Variants in ADAMTSL1 observed in about 807,000 individuals in gnomAD.
ADAMTSL1 encodes the protein ADAMTS like 1, also known as ADAMTS-like protein 1.
ADAMTSL1 carries 126 observed loss-of-function variants against 201.8 expected under a neutral mutation model. That is an observed-to-expected ratio of 0.62 (90% CI 0.54 to 0.72). The LOEUF is 0.72. Among genes scored for constraint, ADAMTSL1 ranks in the 30% least tolerant of loss-of-function variants. The pLI, the probability that ADAMTSL1 is intolerant of heterozygous loss-of-function variation, is 0.00. For missense variants in ADAMTSL1, 2,679 were observed against 2,277.8 expected (o/e 1.18, Z -3.59); for synonymous variants, 1,121 against 903.4 (o/e 1.24, Z -4.32).
intron 1 of ADAMTSL1, among the ~76,000 whole-genome samples, chr9:18,039,452 A>G (rs1821344321): frequency 6.6e-6 from 1 of 152,270 alleles, no homozygotes; most frequent in African/African-American, 2.4e-5. Context: ...GTGTCTTTCA[A>G]TAATTTTGGT....
chr9:18,252,488 C>T (rs977591983), intron 2 of ADAMTSL1, among the ~76,000 whole-genome samples: 1 of 152,132 alleles, frequency 6.6e-6, no homozygotes, highest in Non-Finnish European at 1.5e-5. Context: ...ACATATCCCC[C>T]TGTATACTTT....
At chr9:18,655,776 C>A (rs10963713) in intron 7 of ADAMTSL1, among the ~76,000 whole-genome samples, 1 of 134,154 alleles carries the variant, frequency 7.5e-6, no homozygotes, top group Non-Finnish European at 1.5e-5. Flanking sequence ...TAACCACACA[C>A]CCCAAGAGAG....
At chr9:18,316,631 T>C (rs931387111) in intron 2 of ADAMTSL1, among the ~76,000 whole-genome samples, 3 of 152,202 alleles carry the variant, frequency 2.0e-5, no homozygotes, top group Non-Finnish European at 4.4e-5. Context: ...CTGTTCTTTT[T>C]TTCAAGGTGC....
At chr9:18,845,964 A>T (rs1826078260) in intron 23 of ADAMTSL1, among the ~76,000 whole-genome samples, 1 of 152,228 alleles carries the variant, frequency 6.6e-6, no homozygotes, top group South Asian at 2.1e-4. Flanking sequence ...ATTCATGATA[A>T]AGGGCCTAGG....
chr9:18,445,230 A>G (rs17205346), intron 2 of ADAMTSL1, among the ~76,000 whole-genome samples: 11,801 of 152,234 alleles, frequency 0.078, 629 homozygotes, highest in Non-Finnish European at 0.12. Context: ...CGCTAAAAGT[A>G]CAGCCTTTGA....
chr9:18,314,627 G>A (rs1484419880), intron 2 of ADAMTSL1, among the ~76,000 whole-genome samples: 2 of 151,840 alleles, frequency 1.3e-5, no homozygotes, highest in African/African-American at 2.4e-5. Context: ...CATGAGTGAA[G>A]CTGCAGACCT....
chr9:18,259,259 A>G (rs1429510083), intron 2 of ADAMTSL1, among the ~76,000 whole-genome samples: 4 of 152,164 alleles, frequency 2.6e-5, no homozygotes. Flanking sequence ...TACCCATCTT[A>G]GTTAAATTCC....
chr9:18,631,570 G>A (rs1331768183), intron 5 of ADAMTSL1, among the ~76,000 whole-genome samples: 2 of 152,056 alleles, frequency 1.3e-5, no homozygotes, highest in African/African-American at 4.8e-5. Context: ...CTCATCAACG[G>A]ATCTAAAAAT....
intron 2 of ADAMTSL1, among the ~76,000 whole-genome samples, chr9:18,292,292 C>T (rs955805761): frequency 1.3e-5 from 2 of 152,026 alleles, no homozygotes; most frequent in Non-Finnish European, 2.9e-5. Flanking sequence ...AGGTAATTGG[C>T]AGAGGCCTTG....
chr9:18,138,724 G>A (rs1826265899), intron 1 of ADAMTSL1, among the ~76,000 whole-genome samples: 1 of 152,084 alleles, frequency 6.6e-6, no homozygotes, highest in Admixed American at 6.6e-5. Flanking sequence ...AGGAGGGTGA[G>A]GTTATGCTTT....
intron 2 of ADAMTSL1, among the ~76,000 whole-genome samples, chr9:18,294,978 T>C (rs1833417193): frequency 6.6e-6 from 1 of 152,132 alleles, no homozygotes; most frequent in Non-Finnish European, 1.5e-5. Flanking sequence ...CTTCCTCTTA[T>C]CAGTACCAAG....
At chr9:18,642,507 G>A (rs750679559) in intron 7 of ADAMTSL1, among the ~76,000 whole-genome samples, 12 of 151,940 alleles carry the variant, frequency 7.9e-5, no homozygotes, top group Admixed American at 1.3e-4. Context: ...CAGCCACCGT[G>A]TTGTAGGTAG....
intron 4 of ADAMTSL1, among the ~76,000 whole-genome samples, chr9:18,592,514 C>G (rs1823989675): frequency 1.3e-5 from 2 of 152,148 alleles, no homozygotes; most frequent in African/African-American, 2.4e-5. Context: ...GATGATTGCT[C>G]TCAGTTGGTT....
At chr9:18,282,125 G>A (rs1005258868) in intron 2 of ADAMTSL1, among the ~76,000 whole-genome samples, 1 of 152,042 alleles carries the variant, frequency 6.6e-6, no homozygotes, top group East Asian at 1.9e-4. Flanking sequence ...AGATTTCCCA[G>A]TGTCTCTTAT....
intron 2 of ADAMTSL1, among the ~76,000 whole-genome samples, chr9:18,334,225 C>T (rs1435812257): frequency 1.3e-5 from 2 of 151,978 alleles, no homozygotes; most frequent in East Asian, 3.9e-4. Flanking sequence ...CCCAGGAGTG[C>T]CATTTTATTC....
In ADAMTSL1 at chr9:18,419,786, G is replaced by A. The variant is rs1327578296; in HGVS notation, c.208-85043G>A. ...CTTGCTCTGTCGCTCAGGCTGGAGT[G>A]CAGTGCGATCTTAGTTCACTGCAAC... On this transcript the variant is annotated intron_variant, in intron 2 of 29. Transcript: ENST00000680146. Among the ~76,000 whole-genome samples, 7 of 145,038 alleles carry A rather than the reference G, an allele frequency of 4.8e-5. No individual in the cohort carries two copies. In the Admixed American group the frequency reaches 5.0e-4, roughly 10 times the overall value.
intron 1 of ADAMTSL1, among the ~76,000 whole-genome samples, chr9:18,032,226 G>T (rs1051603906): frequency 6.6e-6 from 1 of 152,168 alleles, no homozygotes; most frequent in Non-Finnish European, 1.5e-5. Context: ...ACACAAACCA[G>T]CACCTCACTC....
At chr9:18,298,970 C>T (rs1833587061) in intron 2 of ADAMTSL1, among the ~76,000 whole-genome samples, 1 of 151,220 alleles carries the variant, frequency 6.6e-6, no homozygotes, top group African/African-American at 2.4e-5. Context: ...CGAGATGGCG[C>T]CACTGCACTC....
At chr9:18,194,126 G>A (rs1829080413) in intron 2 of ADAMTSL1, among the ~76,000 whole-genome samples, 1 of 152,072 alleles carries the variant, frequency 6.6e-6, no homozygotes, top group African/African-American at 2.4e-5. Context: ...CTGAGAAGTA[G>A]GATGTGTAGG....
Sources: gnomAD v4.1 joint callset for allele counts (sites outside exome capture counted in the v4.1 genomes callset) on GRCh38, gnomAD v4.1.1 for gene constraint, MANE v1.5 for transcripts, NCBI Gene and HGNC (gene_info 2026-07-23, HGNC 2026-07-21) for gene names.